The following TFAP2D variants were observed in gnomAD, a reference collection of about 807,000 sequenced individuals.
TFAP2D encodes the protein transcription factor AP-2 delta.
Under a neutral mutation model 43.6 loss-of-function variants are expected in TFAP2D, and 9 were observed. The observed-to-expected ratio is 0.21, with a 90% CI of 0.12 to 0.36. The LOEUF (loss-of-function observed/expected upper bound fraction) is 0.36. TFAP2D is among the 10% of genes least tolerant of loss of function. The pLI is 1.00. For synonymous variants in TFAP2D, 256 were observed against 224.9 expected (o/e 1.14, Z -1.24); for missense variants, 513 against 561.4 (o/e 0.91, Z 0.87).
intron 7 of TFAP2D, among the ~76,000 whole-genome samples, chr6:50,765,346 C>T (rs950152175): frequency 4.6e-5 from 7 of 152,168 alleles, no homozygotes; most frequent in Admixed American, 3.3e-4. Context: ...ATATCTCTTT[C>T]AGATACTGGT....
rs759486102 is a variant in TFAP2D at position 50,745,127 on chromosome 6, C to T, written c.904C>T (p.Arg302Trp). The change falls in exon 6 of 8, where the codon CGG becomes TGG. Residue 302 changes from arginine to tryptophan, a missense_variant. Arg to Trp is a moderately radical substitution (Grantham distance 101, BLOSUM62 -3). Coordinates refer to ENST00000008391, the MANE Select transcript of TFAP2D (RefSeq NM_172238.4). Reference protein sequence around the residue: ...LVEGEALHLARDFGYTCETEF... With the variant: ...LVEGEALHLAWDFGYTCETEF... ...AACAGGGGAGGCTTTGCACTTGGCT[C>T]GGGATTTTGGCTACACTTGTGAAAC... 3.1e-6 allele frequency: 5 copies of T among 1,613,364 alleles called. No homozygotes were observed. Among genetic ancestry groups the T allele is most frequent in the Non-Finnish European group, 8.5e-7 (1 of 1,179,736 alleles).
intron 7 of TFAP2D, among the ~76,000 whole-genome samples, chr6:50,760,241 C>A (rs995847914): frequency 3.3e-5 from 5 of 151,984 alleles, no homozygotes; most frequent in Non-Finnish European, 7.4e-5. Context: ...AGAAGTTTAT[C>A]ATCCTCTTTT....
intron 5 of TFAP2D, among the ~76,000 whole-genome samples, chr6:50,730,882 C>T (rs1041063714): frequency 2.0e-5 from 3 of 152,074 alleles, no homozygotes; most frequent in Non-Finnish European, 2.9e-5. Flanking sequence ...TTTCACCACC[C>T]GGGATGATTG....
intron 7 of TFAP2D, among the ~76,000 whole-genome samples, chr6:50,751,708 G>A (rs1290097430): frequency 2.0e-5 from 3 of 151,802 alleles, no homozygotes; most frequent in African/African-American, 7.3e-5. Flanking sequence ...ACCTCCTAAA[G>A]ACTCTATTTA....
At chr6:50,770,564 CTT>C (rs951215612) in intron 7 of TFAP2D, among the ~76,000 whole-genome samples, 1 of 152,150 alleles carries the variant, frequency 6.6e-6, no homozygotes, top group African/African-American at 2.4e-5. Context: ...TTATCTAAGA[CTT>C]TGTTTAGATC....
intron 7 of TFAP2D, among the ~76,000 whole-genome samples, chr6:50,768,903 CT>C (rs34182627): frequency 0.15 from 19,070 of 127,502 alleles, 769 homozygotes; most frequent in African/African-American, 0.21. Flanking sequence ...AACGAAGTGG[CT>C]TTTTTTTTTT....
chr6:50,718,777 G>C (rs1768667586), intron 2 of TFAP2D, among the ~76,000 whole-genome samples: 1 of 152,198 alleles, frequency 6.6e-6, no homozygotes, highest in African/African-American at 2.4e-5. Context: ...TATACGCTGT[G>C]TGCCTTGATG....
intron 7 of TFAP2D, among the ~76,000 whole-genome samples, chr6:50,759,542 T>C (rs1769334162): frequency 6.6e-6 from 1 of 152,078 alleles, no homozygotes; most frequent in African/African-American, 2.4e-5. Context: ...AACAGTTCGA[T>C]AAAATTCATT....
At chr6:50,722,669 G>A (rs951718529) in intron 3 of TFAP2D, among the ~76,000 whole-genome samples, 8 of 152,002 alleles carry the variant, frequency 5.3e-5, no homozygotes, top group African/African-American at 1.9e-4. Context: ...ATCCATATTG[G>A]AATCGCAGGG....
In TFAP2D at chr6:50,741,057, T is replaced by C. The variant is rs563045986; in HGVS notation, c.884-4050T>C. 4.1e-4 allele frequency among the ~76,000 whole-genome samples: 63 copies of C among 152,102 alleles called. No individual in the cohort carries two copies. In the South Asian group the frequency reaches 5.0e-3, roughly 12 times the overall value. On this transcript the variant is annotated intron_variant, in intron 5 of 7. Coordinates refer to ENST00000008391, the MANE Select transcript of TFAP2D (RefSeq NM_172238.4). The stretch of plus-strand genomic sequence containing the variant: ...TTCTGAAATTTATTTGTGCCTGCTT[T>C]TTAAGAGATATGTTTAATATAAGTA...
At chr6:50,759,069 CA>C (rs1769329022) in intron 7 of TFAP2D, among the ~76,000 whole-genome samples, 2 of 151,942 alleles carry the variant, frequency 1.3e-5, no homozygotes, top group Admixed American at 1.3e-4. Context: ...CAATAGAAGC[CA>C]GAGGTAATTG....
chr6:50,739,821 C>T (rs935258554), intron 5 of TFAP2D, among the ~76,000 whole-genome samples: 1 of 152,154 alleles, frequency 6.6e-6, no homozygotes, highest in Non-Finnish European at 1.5e-5. Context: ...GAATCAGATG[C>T]TGTGCTAAGT....
chr6:50,725,733 C>T (rs1240132968), intron 3 of TFAP2D, among the ~76,000 whole-genome samples: 1 of 152,154 alleles, frequency 6.6e-6, no homozygotes, highest in Admixed American at 6.5e-5. Flanking sequence ...ACTCCCTCAG[C>T]ACCTTCAATC....
intron 5 of TFAP2D, among the ~76,000 whole-genome samples, chr6:50,732,200 T>G (rs181840251): frequency 6.6e-6 from 1 of 152,236 alleles, no homozygotes; most frequent in East Asian, 1.9e-4. Flanking sequence ...TTATATGGTC[T>G]TTCTATGGTC....
intron 5 of TFAP2D, among the ~76,000 whole-genome samples, chr6:50,732,230 T>C (rs575979167): frequency 2.0e-4 from 30 of 152,248 alleles, no homozygotes; most frequent in African/African-American, 7.0e-4. Context: ...AGAATACGAA[T>C]ATTTCTTTCA....
rs1768564493 is a variant in TFAP2D at position 50,713,597 on chromosome 6, G to GT, written c.-458dup. On this transcript the variant is annotated 5_prime_UTR_variant, in exon 1 of 8. An upstream open reading frame in the 5' UTR loses its in-frame stop. Transcript: ENST00000008391. ...CAGAGATAAGTCCCCACCTCAGTCGGTATAGAAAAGCATGATAAAGGTTGG... is the reference window on the plus strand; with the variant it reads ...CAGAGATAAGTCCCCACCTCAGTCGGTTATAGAAAAGCATGATAAAGGTTGG... Among the ~76,000 whole-genome samples the GT allele has an allele frequency of 6.6e-6, 1 of 152,132 alleles. No individual in the cohort carries two copies. The highest frequency in any genetic ancestry group is 1.5e-5 in the Non-Finnish European group (1 of 68,028).
intron 5 of TFAP2D, among the ~76,000 whole-genome samples, chr6:50,729,996 G>T (rs1768862342): frequency 6.6e-6 from 1 of 151,764 alleles, no homozygotes; most frequent in African/African-American, 2.4e-5. Flanking sequence ...AGTTATTATT[G>T]AAAGGCTTTT....
intron 7 of TFAP2D, among the ~76,000 whole-genome samples, chr6:50,760,341 T>C (rs1769346322): frequency 6.6e-6 from 1 of 152,032 alleles, no homozygotes; most frequent in South Asian, 2.1e-4. Flanking sequence ...TTAAATGGAA[T>C]GAGGGTTGTT....
At chr6:50,742,575 TA>T (rs1209631078) in intron 5 of TFAP2D, among the ~76,000 whole-genome samples, 1 of 11,082 alleles carries the variant, frequency 9.0e-5, no homozygotes, top group Admixed American at 7.2e-4. Context: ...CAGACACACA[TA>T]GATAGATAGA....
Sources: gnomAD v4.1 joint callset for allele counts (sites outside exome capture counted in the v4.1 genomes callset) on GRCh38, gnomAD v4.1.1 for gene constraint, MANE v1.5 for transcripts, NCBI Gene and HGNC (gene_info 2026-07-23, HGNC 2026-07-21) for gene names.